Variants in MICAL2 observed in about 807,000 individuals in gnomAD.
The protein encoded by MICAL2 is microtubule associated monooxygenase, calponin and LIM domain containing 2.
Under a neutral mutation model 127.3 loss-of-function variants are expected in MICAL2, and 77 were observed. That is an observed-to-expected ratio of 0.60 (90% CI 0.50 to 0.73). The LOEUF is 0.73. MICAL2 is among the 30% of genes least tolerant of loss of function. The pLI is 0.00. For missense variants in MICAL2, 1,351 were observed against 1,434.4 expected (o/e 0.94, Z 0.94); for synonymous variants, 570 against 551.1 (o/e 1.03, Z -0.48).
At chr11:12,280,511 G>A (rs1268296966) in intron 1 of MICAL2, among the ~76,000 whole-genome samples, 2 of 152,188 alleles carry the variant, frequency 1.3e-5, no homozygotes, top group African/African-American at 4.8e-5. Context: ...TCCTACTGGG[G>A]GATTGGAGGG....
At chr11:12,337,244 G>A (rs1235584051) in intron 32 of MICAL2, among the ~76,000 whole-genome samples, 1 of 152,226 alleles carries the variant, frequency 6.6e-6, no homozygotes, top group African/African-American at 2.4e-5. Context: ...TTTGCGTAGA[G>A]GTGTTTATAG....
chr11:12,295,076 A>G (rs1333910462), downstream of MICAL2, among the ~76,000 whole-genome samples: 3 of 151,984 alleles, frequency 2.0e-5, no homozygotes, highest in South Asian at 4.2e-4. Flanking sequence ...CCCTACGACC[A>G]CTTTCTCATT....
At chr11:12,207,123 C>T (rs572942701) in intron 4 of MICAL2, among the ~76,000 whole-genome samples, 1 of 152,200 alleles carries the variant, frequency 6.6e-6, no homozygotes, top group African/African-American at 2.4e-5. Flanking sequence ...CACAGCCCTT[C>T]CTCTCTCTGT....
At chr11:12,331,321 A>G (rs1351160434) in intron 32 of MICAL2, among the ~76,000 whole-genome samples, 1 of 152,202 alleles carries the variant, frequency 6.6e-6, no homozygotes, top group Non-Finnish European at 1.5e-5. Flanking sequence ...GTCGATGAGA[A>G]TAATTATTCC....
chr11:12,258,465 C>T lies in MICAL2; in HGVS notation c.3143-3C>T. 6.2e-7 allele frequency: 1 copy of T among 1,613,614 alleles called. No individual in the cohort carries two copies. The highest frequency in any genetic ancestry group is 8.5e-7 in the Non-Finnish European group (1 of 1,179,546). The stretch of plus-strand genomic sequence containing the variant: ...TTCTGTATGTGTGTGCCTCTTTTTA[C>T]AGGCAAATTTTACTGCAAGCCTCAC... On this transcript the variant is annotated splice_region_variant and splice_polypyrimidine_tract_variant and intron_variant, in intron 24 of 27. Transcript: ENST00000683283.
chr11:12,318,776 T>A (rs895549894), intron 29 of MICAL2, among the ~76,000 whole-genome samples: 1 of 152,194 alleles, frequency 6.6e-6, no homozygotes, highest in Admixed American at 6.5e-5. Flanking sequence ...GCAGATGTTC[T>A]TGCTGAGAAG....
chr11:12,319,695 G>C lies in MICAL2; in HGVS notation c.5213-1G>C. On this transcript the variant is annotated splice_acceptor_variant, in intron 29 of 34. Coordinates refer to the MICAL2 transcript ENST00000646065. LOFTEE classifies it high-confidence loss of function. ...ATTGAGTTTTTCTGTTCCCATTTCA[G>C]ACTCCAAGAACTTTCCCCTCAGAGC... 1.2e-6 allele frequency: 2 copies of C among 1,608,422 alleles called. No homozygotes were observed. Among genetic ancestry groups the C allele is most frequent in the South Asian group, 2.2e-5 (2 of 90,936 alleles).
At chr11:12,260,042 T>C in intron 26 of MICAL2, 145 bp downstream of exon 26, 1 of 1,542,364 alleles carries the variant, frequency 6.5e-7, no homozygotes, top group Non-Finnish European at 8.7e-7. Context: ...ATGTACGAGC[T>C]CCTGAGCCTG....
At chr11:12,313,605 A>G (rs534528112) in intron 29 of MICAL2, among the ~76,000 whole-genome samples, 32 of 152,320 alleles carry the variant, frequency 2.1e-4, no homozygotes, top group African/African-American at 6.7e-4. Context: ...GTATATGTAC[A>G]TAGATATTAA....
Position 12,203,337 on chromosome 11 carries a change from G to A in MICAL2, c.265-913G>A, listed in dbSNP as rs144988174. 6.7e-3 allele frequency among the ~76,000 whole-genome samples: 1,019 copies of A among 152,284 alleles called. 15 individuals are homozygous for A. Among genetic ancestry groups the A allele is most frequent in the African/African-American group, 0.023 (972 of 41,552 alleles). Reference sequence around the variant, plus strand: ...TCTATGTTTAACTTTTGGAGGAATGGCCACACTGTTTTCATGTATCTGCAC... The same window carrying A: ...TCTATGTTTAACTTTTGGAGGAATGACCACACTGTTTTCATGTATCTGCAC... On this transcript the variant is annotated intron_variant, in intron 3 of 27. Coordinates refer to ENST00000683283, the MANE Select transcript of MICAL2 (RefSeq NM_001282663.2).
chr11:12,115,729 C>T (rs1849957774), intron 1 of MICAL2, among the ~76,000 whole-genome samples: 1 of 151,942 alleles, frequency 6.6e-6, no homozygotes, highest in Non-Finnish European at 1.5e-5. Context: ...TACTATTTTT[C>T]AAAATTTTTT....
chr11:12,208,811 CTTAG>C (rs1165294740), intron 5 of MICAL2, among the ~76,000 whole-genome samples: 1 of 152,180 alleles, frequency 6.6e-6, no homozygotes, highest in East Asian at 1.9e-4. Flanking sequence ...TTGGGACCAG[CTTAG>C]TGTCAGAGAC....
chr11:12,186,631 T>C (rs4756790), intron 3 of MICAL2, among the ~76,000 whole-genome samples: 82,142 of 152,026 alleles, frequency 0.54, 22,787 homozygotes, highest in South Asian at 0.68. Context: ...TCTCTGGGCC[T>C]CAGTTTACCC....
chr11:12,344,831 A>G (rs1282788799), intron 32 of MICAL2, among the ~76,000 whole-genome samples: 1 of 146,982 alleles, frequency 6.8e-6, no homozygotes, highest in Non-Finnish European at 1.5e-5. Flanking sequence ...ATTGTGGACC[A>G]GGTGCGGTGG....
upstream of MICAL2, among the ~76,000 whole-genome samples, chr11:12,273,469 C>T (rs148949587): frequency 5.3e-3 from 803 of 151,924 alleles, 1 homozygote; most frequent in Non-Finnish European, 8.6e-3. Flanking sequence ...AGTGTAGACA[C>T]GTGCACACAG....
chr11:12,201,661 G>A (rs1366141446), intron 3 of MICAL2, among the ~76,000 whole-genome samples: 3 of 152,202 alleles, frequency 2.0e-5, no homozygotes, highest in African/African-American at 7.2e-5. Flanking sequence ...TTTGCCGAAT[G>A]TAGCTATCCT....
intron 12 of MICAL2, among the ~76,000 whole-genome samples, chr11:12,223,796 T>C (rs6485587): frequency 0.36 from 55,311 of 152,102 alleles, 11,503 homozygotes; most frequent in East Asian, 0.89. Flanking sequence ...CTTATTTTCC[T>C]GTTGTTTCCT....
chr11:12,203,758 T>C (rs1011191334), intron 3 of MICAL2, among the ~76,000 whole-genome samples: 3 of 152,258 alleles, frequency 2.0e-5, no homozygotes, highest in African/African-American at 7.2e-5. Flanking sequence ...CAAGTTTTAA[T>C]TTTGAAGTCT....
intron 20 of MICAL2, 133 bp from the exon 21 acceptor site, chr11:12,243,854 T>A: frequency 1.9e-6 from 2 of 1,047,522 alleles, no homozygotes; most frequent in Non-Finnish European, 2.8e-6. Flanking sequence ...GGGGTTTCTG[T>A]GTTGTCCTGA....
Sources: gnomAD v4.1 joint callset for allele counts (sites outside exome capture counted in the v4.1 genomes callset) on GRCh38, gnomAD v4.1.1 for gene constraint, MANE v1.5 for transcripts, NCBI Gene and HGNC (gene_info 2026-07-23, HGNC 2026-07-21) for gene names.